The following ACTR8 variants were observed in gnomAD, a reference collection of about 807,000 sequenced individuals.
ACTR8 encodes actin-related protein 8.
ACTR8 carries 70 observed loss-of-function variants against 84.3 expected under a neutral mutation model. The ratio of observed to expected loss-of-function variants is 0.83; its 90% CI spans 0.68 to 1.01. ACTR8 has a LOEUF of 1.01. Ranked by LOEUF, ACTR8 falls within the 50% of genes least tolerant of loss-of-function variation. The pLI is 0.00. For synonymous variants in ACTR8, 268 were observed against 275.2 expected (o/e 0.97, Z 0.26); for missense variants, 672 against 775.4 (o/e 0.87, Z 1.58).
chr3:53,864,129 G>A (rs1699680842), downstream of ACTR8, among the ~76,000 whole-genome samples: 1 of 152,152 alleles, frequency 6.6e-6, no homozygotes, highest in Non-Finnish European at 1.5e-5. Context: ...GGCCAACAAA[G>A]TATCTTAAAC....
At chr3:53,869,625 T>G (rs1699854164) in intron 12 of ACTR8, among the ~76,000 whole-genome samples, 1 of 152,230 alleles carries the variant, frequency 6.6e-6, no homozygotes, top group Non-Finnish European at 1.5e-5. Flanking sequence ...AAAGATCATC[T>G]GGTCCAGGGA....
chr3:53,868,815 A>G lies in ACTR8; in HGVS notation c.1779T>C (p.Ala593=). The change falls in exon 13 of 13, where the codon GCT becomes GCC. Residue 593 remains alanine, a synonymous_variant. Coordinates refer to ENST00000335754, the MANE Select transcript of ACTR8 (RefSeq NM_022899.5). ...LIAWKGGAVL[A]CLDTTQELWI... ...ACAGTTCCTGTGTTGTATCCAAACA[A>G]GCCAACACTGCCCCTCCTTTCCATG... 6.2e-7 allele frequency: 1 copy of G among 1,614,216 alleles called. No individual in the cohort carries two copies. Among genetic ancestry groups the G allele is most frequent in the Non-Finnish European group, 8.5e-7 (1 of 1,180,038 alleles).
rs374523447 is a variant in ACTR8, at chr3:53,872,501, G to T, written c.1185C>A (p.Pro395=). ...TCTGTCCAACGATTCCAAAAGTTGC[G>T]GGGTAAAACAAAGCCATTGGAGCCT... ...KLQAPMALFY[P]ATFGIVGQKM... is the part of the protein sequence containing the mutation. The change falls in exon 10 of 13, where the codon CCC becomes CCA. Residue 395 remains proline (P), a synonymous_variant. Transcript: ENST00000335754. 3.3e-5 allele frequency: 53 copies of T among 1,608,362 alleles called. No individual in the cohort carries two copies. Among genetic ancestry groups the T allele is most frequent in the Non-Finnish European group, 4.4e-5 (52 of 1,178,066 alleles).
downstream of ACTR8, among the ~76,000 whole-genome samples, chr3:53,863,784 C>G (rs1699661608): frequency 6.6e-6 from 1 of 151,274 alleles, no homozygotes; most frequent in Non-Finnish European, 1.5e-5. Context: ...ATATACAGCA[C>G]TAAAAGTACT....
At position 53,867,385 on chromosome 3, in the gene ACTR8, C is replaced by G. The variant is rs1201917773; in HGVS notation, c.*1334G>C. The G allele has an allele frequency of 6.6e-6, 1 of 152,212 alleles. No homozygotes were observed. The highest frequency in any genetic ancestry group is 1.5e-5 in the Non-Finnish European group (1 of 68,042). 9.4% of individuals were successfully genotyped at this position (152,212 alleles called of 1,614,324 possible). ...ACATACAATTTTCAAATTGAAGGCA[C>G]ACATCCCAGTTGGTACTGGCAAGTT... is the stretch of plus-strand genomic sequence containing the variant. On this transcript the variant is annotated 3_prime_UTR_variant, in exon 13 of 13. Transcript: ENST00000335754.
chr3:53,866,973 T>C (rs1699799060), downstream of ACTR8: 1 of 152,226 alleles, frequency 6.6e-6, no homozygotes, highest in Admixed American at 6.5e-5. Flanking sequence ...CCTTCTAATT[T>C]ATGTCTTACG....
At chr3:53,865,031 G>C, downstream of ACTR8, 1 of 1,614,190 alleles carries the variant, frequency 6.2e-7, no homozygotes, top group Non-Finnish European at 8.5e-7. Context: ...TGTGGCAAGA[G>C]CGAGGGCAGT....
the ACTR8 span, chr3:53,861,465 C>T: frequency 3.9e-5 from 6 of 152,160 alleles, no homozygotes; most frequent in South Asian, 4.1e-4. Flanking sequence ...CACCAGCAGA[C>T]ATGAAAACCT....
In ACTR8 at chr3:53,882,064, T is replaced by C. The variant is rs888532536; in HGVS notation, c.38A>G (p.Lys13Arg). 6.4e-7 allele frequency: 1 copy of C among 1,551,672 alleles called. No individual in the cohort carries two copies. The highest frequency in any genetic ancestry group is 1.2e-5 in the South Asian group (1 of 84,064). ...CTTCTCCTTCTCGCCGCCCTTCTCC[T>C]TTCCGTTCTCCGTATCACCCTTCTC... Reference protein sequence around the residue: ...QAEKGDTENGKEKGGEKEKEQ... With the variant: ...QAEKGDTENGREKGGEKEKEQ... Residue 13 changes from lysine (K) to arginine (R), a missense_variant, in exon 1 of 13, where the codon AAG becomes AGG. Physicochemically the swap from Lys to Arg is conservative, Grantham distance 26 (BLOSUM62 2). Coordinates refer to ENST00000335754, the MANE Select transcript of ACTR8 (RefSeq NM_022899.5).
chr3:53,876,953 CAGTA>C (rs1191913001), intron 5 of ACTR8, among the ~76,000 whole-genome samples: 1 of 151,024 alleles, frequency 6.6e-6, no homozygotes, highest in Non-Finnish European at 1.5e-5. Context: ...ACTGATGTGT[CAGTA>C]AGGTCCAAAG....
intron 1 of ACTR8, chr3:53,881,727 G>C (rs1410121054): frequency 1.5e-5 from 9 of 596,018 alleles, no homozygotes; most frequent in Non-Finnish European, 2.6e-5. Context: ...CACACAACCA[G>C]ACGGTGGGGC....
Position 53,874,195 on chromosome 3 carries a change from T to C in ACTR8, c.1065+16A>G, listed in dbSNP as rs1235091385. On this transcript the variant is annotated intron_variant, in intron 8 of 12. Coordinates refer to ENST00000335754, the MANE Select transcript of ACTR8 (RefSeq NM_022899.5). ...CTAGAAACAAAAATAATCAGCAATATTGATTCTGCTCCCACCTGATCTAAA... is the reference window on the plus strand; with the variant it reads ...CTAGAAACAAAAATAATCAGCAATACTGATTCTGCTCCCACCTGATCTAAA... The C allele has an allele frequency of 3.8e-6, 6 of 1,593,858 alleles. No homozygotes were observed. Among genetic ancestry groups the C allele is most frequent in the Non-Finnish European group, 4.3e-6 (5 of 1,173,948 alleles).
Position 53,877,638 on chromosome 3 carries a change from G to A in ACTR8, c.510+9C>T. On this transcript the variant is annotated intron_variant, in intron 4 of 12. Transcript: ENST00000335754. ...CCTTCTTTCATTCTATTGTAAAGAA[G>A]TTTCTTACCTCTTCTCCTACTAAAT... 1 of 1,608,676 alleles carries A rather than the reference G, an allele frequency of 6.2e-7. No homozygotes were observed. The highest frequency in any genetic ancestry group is 8.5e-7 in the Non-Finnish European group (1 of 1,175,986).
Position 53,877,281 on chromosome 3 carries a change from G to C in ACTR8, c.617C>G (p.Ala206Gly). The change falls in exon 5 of 13, where the codon GCA becomes GGA. Residue 206 changes from alanine (A) to glycine (G), a missense_variant. Coordinates refer to ENST00000335754, the MANE Select transcript of ACTR8 (RefSeq NM_022899.5). The stretch of plus-strand genomic sequence containing the variant: ...ATGAGACCATATTACTTCAATATCT[G>C]CCAGAACAGCTGTAAGAGAGCCCCC... ...GPGGSLTAVL[A>G]DIEVIWSHAI... is the part of the protein sequence containing the mutation. 1.9e-6 allele frequency: 3 copies of C among 1,613,986 alleles called. No homozygotes were observed. Among genetic ancestry groups the C allele is most frequent in the Non-Finnish European group, 2.5e-6 (3 of 1,179,960 alleles).
Position 53,881,711 on chromosome 3 carries a change from G to A in ACTR8, c.123+268C>T, listed in dbSNP as rs1050305448. 8 of 560,378 alleles carry A rather than the reference G, an allele frequency of 1.4e-5. No individual in the cohort carries two copies. In the African/African-American group the frequency reaches 1.6e-4, roughly 11 times the overall value. The allele number at this position is 560,378 out of a possible 1,614,324, so 34.7% of individuals were successfully genotyped here. A position where few individuals can be genotyped will look rare whatever the true frequency, so the allele number is the denominator to read the frequency against. On this transcript the variant is annotated intron_variant, in intron 1 of 12. Coordinates refer to ENST00000335754, the MANE Select transcript of ACTR8 (RefSeq NM_022899.5). ...GGAAGCTGAGGCCAGAGCCCGGGCA[G>A]GAGCGCACACAACCAGACGGTGGGG...
chr3:53,864,789 C>T (rs1477435455), downstream of ACTR8: 3 of 1,613,638 alleles, frequency 1.9e-6, no homozygotes, highest in African/African-American at 2.7e-5. Flanking sequence ...CACTACTGCC[C>T]CCCATTAAGG....
intron 1 of ACTR8, 54 bp downstream of exon 1, chr3:53,881,925 G>A: frequency 6.4e-7 from 1 of 1,550,900 alleles, no homozygotes; most frequent in Non-Finnish European, 8.7e-7. Flanking sequence ...CCCCTTGCCT[G>A]GCAGCGGAGG....
rs113423844 is a variant in ACTR8 at position 53,868,575 on chromosome 3, T to G, written c.*144A>C. 710 of 1,267,134 alleles carry G rather than the reference T, an allele frequency of 5.6e-4. 6 individuals carry two copies. In the African/African-American group the frequency reaches 9.1e-3, roughly 16 times the overall value. 78.5% of individuals were successfully genotyped at this position (1,267,134 alleles called of 1,614,324 possible). Reference sequence around the variant, plus strand: ...AGTTTATATTTTCAAACCAATGTCATGTCCTCAACATAAAGTTCAAATTCA... The same window carrying G: ...AGTTTATATTTTCAAACCAATGTCAGGTCCTCAACATAAAGTTCAAATTCA... On this transcript the variant is annotated 3_prime_UTR_variant, in exon 13 of 13. Coordinates refer to ENST00000335754, the MANE Select transcript of ACTR8 (RefSeq NM_022899.5).
chr3:53,873,020 C>G lies in ACTR8; in HGVS notation c.1161+12G>C, dbSNP rs1370643485. The G allele has an allele frequency of 6.3e-7, 1 of 1,592,896 alleles. No individual in the cohort carries two copies. The highest frequency in any genetic ancestry group is 8.6e-7 in the Non-Finnish European group (1 of 1,163,760). ...TTCTTTCTACCCATGGAAACAGATA[C>G]CTATAAGTTACCTGCAGTTTTTCAT... is the stretch of plus-strand genomic sequence containing the variant. On this transcript the variant is annotated intron_variant, in intron 9 of 12. Coordinates refer to ENST00000335754, the MANE Select transcript of ACTR8 (RefSeq NM_022899.5).
Sources: gnomAD v4.1 joint callset for allele counts (sites outside exome capture counted in the v4.1 genomes callset) on GRCh38, gnomAD v4.1.1 for gene constraint, MANE v1.5 for transcripts, NCBI Gene and HGNC (gene_info 2026-07-23, HGNC 2026-07-21) for gene names.